The following TMEFF1 variants were observed in gnomAD, a reference collection of about 807,000 sequenced individuals.
The protein encoded by TMEFF1 is transmembrane protein with EGF like and two follistatin like domains 1.
TMEFF1 carries 20 observed loss-of-function variants against 47.5 expected under a neutral mutation model. That is an observed-to-expected ratio of 0.42 (90% confidence interval 0.30 to 0.61). The LOEUF is 0.61. Ranked by LOEUF, TMEFF1 falls within the 20% of genes least tolerant of loss-of-function variation. The pLI is 0.19. For missense variants in TMEFF1, 411 were observed against 471.1 expected (o/e 0.87, Z 1.18); for synonymous variants, 162 against 166.3 (o/e 0.97, Z 0.20).
rs959692001 is a variant in TMEFF1, at chr9:100,531,218, T to A, written c.560+14447T>A. On this transcript the variant is annotated intron_variant, in intron 5 of 9. Coordinates refer to ENST00000374879, the MANE Select transcript of TMEFF1 (RefSeq NM_003692.5). ...CTCTCACCACTCCTATTCAACATAG[T>A]GTTGGAAGTTCTGGCCAGGGCAATT... Among the ~76,000 whole-genome samples the A allele has an allele frequency of 5.9e-4, 90 of 152,176 alleles. 1 individual carries two copies. The Middle Eastern group carries it at 0.017, about 29-fold the overall frequency.
At chr9:100,534,832 C>T (rs1361009123) in intron 5 of TMEFF1, among the ~76,000 whole-genome samples, 2 of 152,160 alleles carry the variant, frequency 1.3e-5, no homozygotes, top group African/African-American at 4.8e-5. Flanking sequence ...TCTTATTGGA[C>T]TGGTATGGTA....
chr9:100,481,101 C>T (rs886435613), intron 1 of TMEFF1, among the ~76,000 whole-genome samples: 7 of 152,176 alleles, frequency 4.6e-5, no homozygotes, highest in African/African-American at 1.7e-4. Context: ...TCTAATGTCA[C>T]CTTCAGTGGT....
At chr9:100,527,761 C>A (rs1373731552) in intron 5 of TMEFF1, among the ~76,000 whole-genome samples, 2 of 152,224 alleles carry the variant, frequency 1.3e-5, no homozygotes, top group East Asian at 3.9e-4. Flanking sequence ...GGCCTGCCTG[C>A]CTCTGTAGGC....
intron 1 of TMEFF1, among the ~76,000 whole-genome samples, chr9:100,489,043 A>G (rs1837502319): frequency 6.6e-6 from 1 of 152,034 alleles, no homozygotes; most frequent in Non-Finnish European, 1.5e-5. Flanking sequence ...CACCCCAGAA[A>G]GTTTCTACCT....
At chr9:100,510,995 A>G (rs1485993246) in intron 3 of TMEFF1, among the ~76,000 whole-genome samples, 4 of 152,164 alleles carry the variant, frequency 2.6e-5, no homozygotes, top group South Asian at 2.1e-4. Context: ...CTTAACAAAT[A>G]TCCTTCTATC....
At chr9:100,531,377 A>C (rs545912326) in intron 5 of TMEFF1, among the ~76,000 whole-genome samples, 2 of 152,372 alleles carry the variant, frequency 1.3e-5, no homozygotes, top group African/African-American at 4.8e-5. Context: ...CTGATAAACA[A>C]CTTCAGCAAA....
chr9:100,537,343 T>C (rs186032903), intron 5 of TMEFF1, among the ~76,000 whole-genome samples: 1 of 152,364 alleles, frequency 6.6e-6, no homozygotes, highest in East Asian at 1.9e-4. Context: ...AAATGAATCA[T>C]TGAATTAACT....
chr9:100,523,456 GT>G, intron 5 of TMEFF1, among the ~76,000 whole-genome samples: 1 of 152,306 alleles, frequency 6.6e-6, no homozygotes, highest in African/African-American at 2.4e-5. Flanking sequence ...TGCCTATAAG[GT>G]TGGGTATCTT....
chr9:100,524,017 G>A (rs1838213155), intron 5 of TMEFF1, among the ~76,000 whole-genome samples: 1 of 152,062 alleles, frequency 6.6e-6, no homozygotes, highest in Non-Finnish European at 1.5e-5. Context: ...TAGAGTGAAA[G>A]GTCTCACTTC....
In TMEFF1 at chr9:100,473,202, G is replaced by T; in HGVS notation, c.-343G>T. On this transcript the variant is annotated 5_prime_UTR_variant, in exon 1 of 10. Transcript: ENST00000374879. The surrounding 1 kb of genome is among the most constrained non-coding windows in gnomAD (Gnocchi z 5.4). ...GGACACAAAGGGAAGGCGAGGAGGC[G>T]AGCAAGAGGCTGGGCCTGCCTCCGG... The T allele has an allele frequency of 1.3e-5, 2 of 150,376 alleles. No homozygotes were observed. The highest frequency in any genetic ancestry group is 3.7e-4 in the South Asian group (2 of 5,358). 9.3% of individuals were successfully genotyped at this position (150,376 alleles called of 1,614,324 possible).
At chr9:100,566,781 T>C (rs1159474596) in intron 8 of TMEFF1, among the ~76,000 whole-genome samples, 1 of 152,088 alleles carries the variant, frequency 6.6e-6, no homozygotes, top group Non-Finnish European at 1.5e-5. Context: ...TTCAGGTCAC[T>C]GCAGCCTCCA....
intron 5 of TMEFF1, among the ~76,000 whole-genome samples, chr9:100,518,083 T>G (rs537959361): frequency 6.6e-6 from 1 of 152,164 alleles, no homozygotes; most frequent in African/African-American, 2.4e-5. Context: ...TCTATTATCA[T>G]TTTTCATGCC....
intron 1 of TMEFF1, among the ~76,000 whole-genome samples, chr9:100,483,114 T>C (rs1354604273): frequency 6.6e-6 from 1 of 152,318 alleles, no homozygotes; most frequent in African/African-American, 2.4e-5. Context: ...GTGAAACACA[T>C]GAATTTATAT....
intron 7 of TMEFF1, among the ~76,000 whole-genome samples, chr9:100,558,385 A>G (rs983414061): frequency 2.0e-5 from 3 of 152,036 alleles, no homozygotes; most frequent in East Asian, 1.9e-4. Context: ...GGAGATGACC[A>G]CTTTCCTCAA....
intron 8 of TMEFF1, 51 bp downstream of exon 8, chr9:100,561,571 T>A: frequency 6.3e-7 from 1 of 1,580,192 alleles, no homozygotes; most frequent in South Asian, 1.2e-5. Context: ...CATCAATGGT[T>A]GTTGCTCTAT....
At chr9:100,492,619 C>T (rs574105197) in intron 1 of TMEFF1, among the ~76,000 whole-genome samples, 15 of 151,988 alleles carry the variant, frequency 9.9e-5, no homozygotes, top group African/African-American at 2.2e-4. Context: ...GTTATTGACA[C>T]GGACTGGGCA....
At chr9:100,544,484 C>T (rs1228131928) in intron 5 of TMEFF1, among the ~76,000 whole-genome samples, 2 of 152,152 alleles carry the variant, frequency 1.3e-5, no homozygotes, top group African/African-American at 4.8e-5. Flanking sequence ...AAAGACCCAC[C>T]CCCATAATTC....
At chr9:100,480,367 A>G (rs7866623) in intron 1 of TMEFF1, among the ~76,000 whole-genome samples, 17,974 of 152,266 alleles carry the variant, frequency 0.12, 1,194 homozygotes, top group Middle Eastern at 0.18. Context: ...ACTTATTTAT[A>G]CCAGTGGTAA....
intron 9 of TMEFF1, among the ~76,000 whole-genome samples, chr9:100,576,272 T>C (rs1378670408): frequency 6.6e-6 from 1 of 152,170 alleles, no homozygotes; most frequent in Non-Finnish European, 1.5e-5. Flanking sequence ...TGAGTTTTGC[T>C]TGTGCCAGTA....
Sources: gnomAD v4.1 joint callset for allele counts (sites outside exome capture counted in the v4.1 genomes callset) on GRCh38, gnomAD v4.1.1 for gene constraint, Gnocchi (gnomAD v3.1) non-coding constraint, MANE v1.5 for transcripts, NCBI Gene and HGNC (gene_info 2026-07-23, HGNC 2026-07-21) for gene names.